VNN2: variants seen among roughly 807,000 people sequenced by gnomAD.
VNN2 encodes vanin 2.
A neutral mutation model predicts 43.0 loss-of-function variants in VNN2; 43 were observed. The ratio of observed to expected loss-of-function variants is 1.00; its 90% CI spans 0.78 to 1.29. The LOEUF (loss-of-function observed/expected upper bound fraction) is 1.29, where lower values mean the gene tolerates loss of function less well. VNN2 is among the 50% of genes most tolerant of loss of function. VNN2 has a pLI of 0.00. For synonymous variants in VNN2, 230 were observed against 224.3 expected (o/e 1.03, Z -0.23); for missense variants, 652 against 619.7 (o/e 1.05, Z -0.55).
chr6:132,747,176 G>A (rs144963293), intron 6 of VNN2, among the ~76,000 whole-genome samples: 1 of 152,180 alleles, frequency 6.6e-6, no homozygotes, highest in African/African-American at 2.4e-5. Context: ...ACCAGAGATG[G>A]GATACAGCAT....
chr6:132,761,595 G>A (rs542472030), upstream of VNN2, among the ~76,000 whole-genome samples: 202 of 152,234 alleles, frequency 1.3e-3, no homozygotes, highest in Non-Finnish European at 2.5e-3. Context: ...AGGAGGAGGA[G>A]GTTGCAGTGA....
intron 6 of VNN2, among the ~76,000 whole-genome samples, chr6:132,746,391 CAAG>C (rs1779720042): frequency 6.6e-6 from 1 of 152,140 alleles, no homozygotes; most frequent in African/African-American, 2.4e-5. Context: ...AGAAGCTACT[CAAG>C]AAGCCATAAT....
intron 3 of VNN2, among the ~76,000 whole-genome samples, chr6:132,755,192 A>T (rs1432116019): frequency 1.3e-5 from 2 of 151,940 alleles, no homozygotes; most frequent in Non-Finnish European, 2.9e-5. Flanking sequence ...AATTATTGAA[A>T]CAGTGCCCAG....
rs753280244 is a variant in VNN2 at position 132,755,944 on chromosome 6, A to G, written c.436T>C (p.Cys146Arg). 6.2e-7 allele frequency: 1 copy of G among 1,614,042 alleles called. No individual in the cohort carries two copies. Among genetic ancestry groups the G allele is most frequent in the Non-Finnish European group, 8.5e-7 (1 of 1,180,014 alleles). The part of the protein sequence containing the change: ...VLANLGDKKP[C>R]NSRDSTCPPN... The stretch of plus-strand genomic sequence containing the variant: ...GGACATGTGGAGTCACGGGAATTAC[A>G]TGGCTTTTTGTCCCCCAAATTTGCC... Residue 146 changes from cysteine (C) to arginine (R), a missense_variant, in exon 3 of 7, where the codon TGT becomes CGT. Transcript: ENST00000326499.
intron 6 of VNN2, among the ~76,000 whole-genome samples, chr6:132,748,739 A>G (rs1018326127): frequency 6.6e-6 from 1 of 152,242 alleles, no homozygotes; most frequent in Non-Finnish European, 1.5e-5. Context: ...AGCCAGCTTA[A>G]TTTGTGAATT....
At chr6:132,752,315 G>A in intron 4 of VNN2, 146 bp downstream of exon 4, 2 of 890,958 alleles carry the variant, frequency 2.2e-6, no homozygotes, top group Non-Finnish European at 1.7e-6. Context: ...TTATAATCAA[G>A]TGCTAGCTTT....
At chr6:132,752,937 A>G in intron 3 of VNN2, 188 bp from the exon 4 acceptor site, 1 of 590,136 alleles carries the variant, frequency 1.7e-6, no homozygotes, top group Non-Finnish European at 2.9e-6. Context: ...ACATACGTCC[A>G]TAGCATCTCT....
chr6:132,749,258 C>T (rs9483498), intron 6 of VNN2, among the ~76,000 whole-genome samples: 5,987 of 152,244 alleles, frequency 0.039, 366 homozygotes, highest in African/African-American at 0.13. Context: ...GTTGATGCAA[C>T]ATTTGCAAAC....
Position 132,751,278 on chromosome 6 carries a change from C to T in VNN2, c.1067G>A (p.Gly356Glu). 6.2e-7 allele frequency: 1 copy of T among 1,614,146 alleles called. No individual in the cohort carries two copies. The highest frequency in any genetic ancestry group is 8.5e-7 in the Non-Finnish European group (1 of 1,180,014). ...CTCCTTTTGACAGACTGTAAGGTTTCCTGCATTTTCAAAAAGTTCTGTGAA... is the reference window on the plus strand; with the variant it reads ...CTCCTTTTGACAGACTGTAAGGTTTTCTGCATTTTCAAAAAGTTCTGTGAA... ...FNFTELFENA[G>E]NLTVCQKELC... is the part of the protein sequence containing the mutation. The change falls in exon 5 of 7, where the codon GGA (glycine) becomes GAA (glutamate). Residue 356 changes from glycine to glutamate, a missense_variant. Gly to Glu is a moderately conservative substitution (Grantham distance 98). Transcript: ENST00000326499.
rs138630373 is a variant in VNN2, at chr6:132,754,951, A to G, written c.537+892T>C. Among the ~76,000 whole-genome samples, 371 of 152,280 alleles carry G rather than the reference A, an allele frequency of 2.4e-3. 7 individuals are homozygous for G. The highest frequency in any genetic ancestry group is 8.6e-3 in the African/African-American group (358 of 41,558). On this transcript the variant is annotated intron_variant, in intron 3 of 6. Transcript: ENST00000326499. ...CATTTTGGGAGGCCAAGGTGGGAGG[A>G]CTGCTTGAGGTGAAGAGTTCAAAGA...
chr6:132,761,356 A>T (rs543499060), upstream of VNN2, among the ~76,000 whole-genome samples: 9 of 101,938 alleles, frequency 8.8e-5, no homozygotes, highest in East Asian at 1.7e-3. Context: ...GAGTCACCAT[A>T]AAAAAAAAAA....
chr6:132,757,419 TG>T lies in VNN2; in HGVS notation c.340del (p.His114ThrfsTer84). Reference sequence around the variant, plus strand: ...AAGACTAAGATAGTTAAAATACCTGTGGGGGTCTTGACACGGAATCCAGTTC... The same window carrying T: ...AAGACTAAGATAGTTAAAATACCTGTGGGGTCTTGACACGGAATCCAGTTC... ...QVNWIPCQDP[H>X]RFGHTPVQAR... On this transcript the variant is annotated frameshift_variant, in exon 2 of 7. Coordinates refer to ENST00000326499, the MANE Select transcript of VNN2 (RefSeq NM_004665.6). LOFTEE classifies it high-confidence loss of function. 1 of 1,602,466 alleles carries T rather than the reference TG, an allele frequency of 6.2e-7. No homozygotes were observed. The highest frequency in any genetic ancestry group is 8.5e-7 in the Non-Finnish European group (1 of 1,176,256).
rs948229104 is a variant in VNN2 at position 132,745,809 on chromosome 6, G to A, written c.1372-1318C>T. 1.1e-4 allele frequency among the ~76,000 whole-genome samples: 17 copies of A among 152,084 alleles called. 1 individual carries two copies. The highest frequency in any genetic ancestry group is 4.1e-4 in the African/African-American group (17 of 41,400). Reference sequence around the variant, plus strand: ...CAAAGCAATTGAACAAGAACAGAAGGAAACATGCATAGACAGTCAATAAAC... The same window carrying A: ...CAAAGCAATTGAACAAGAACAGAAGAAAACATGCATAGACAGTCAATAAAC... On this transcript the variant is annotated intron_variant, in intron 6 of 6. Transcript: ENST00000326499.
chr6:132,757,272 T>A (rs1378424238), intron 2 of VNN2, 144 bp downstream of exon 2: 6 of 1,063,344 alleles, frequency 5.6e-6, no homozygotes, highest in Non-Finnish European at 7.5e-6. Flanking sequence ...AAGTACAATT[T>A]TTTAAAATCT....
chr6:132,762,824 C>T (rs1780768694), upstream of VNN2, among the ~76,000 whole-genome samples: 1 of 152,192 alleles, frequency 6.6e-6, no homozygotes, highest in South Asian at 2.1e-4. Context: ...TTTGACCTAG[C>T]AAAAGTAATT....
intron 3 of VNN2, among the ~76,000 whole-genome samples, chr6:132,755,421 CT>C (rs1326847990): frequency 7.0e-6 from 1 of 142,308 alleles, no homozygotes; most frequent in African/African-American, 2.7e-5. Flanking sequence ...GTCACCCAGG[CT>C]GGAGTGCAGT....
In VNN2 at chr6:132,751,195, G is replaced by C; in HGVS notation, c.1150C>G (p.Leu384Val). The C allele has an allele frequency of 6.2e-7, 1 of 1,613,802 alleles. No homozygotes were observed. Among genetic ancestry groups the C allele is most frequent in the Non-Finnish European group, 8.5e-7 (1 of 1,179,922 alleles). ...CCATGTAATCCTGTAAAAGCTCCTA[G>C]AACGTATACTTCATTCTCTTCTTTT... ...LQKEENEVYV[L>V]GAFTGLHGRR... Residue 384 changes from leucine (L) to valine (V), a missense_variant, in exon 5 of 7, where the codon CTA (leucine) becomes GTA (valine). Transcript: ENST00000326499.
intron 5 of VNN2, 27 bp from the exon 6 acceptor site, chr6:132,749,892 G>A (rs377465488): frequency 3.8e-5 from 60 of 1,595,756 alleles, no homozygotes; most frequent in African/African-American, 8.1e-5. Context: ...CAGATAAAAC[G>A]CAATGCCTTA....
At chr6:132,760,439 G>T (rs900360307), upstream of VNN2, among the ~76,000 whole-genome samples, 1 of 152,162 alleles carries the variant, frequency 6.6e-6, no homozygotes, top group African/African-American at 2.4e-5. Flanking sequence ...GCTTCTGAAA[G>T]TGCTGAGATT....
Sources: allele counts gnomAD v4.1 joint callset (sites outside exome capture counted in the v4.1 genomes callset), GRCh38; gene constraint gnomAD v4.1.1; transcripts MANE v1.5; gene names NCBI Gene and HGNC (gene_info 2026-07-23, HGNC 2026-07-21).